The following MYLK variants were observed in gnomAD, a reference collection of about 807,000 sequenced individuals.
MYLK encodes myosin light chain kinase, smooth muscle.
A neutral mutation model predicts 203.4 loss-of-function variants in MYLK; 106 were observed. The observed-to-expected ratio is 0.52, with a 90% CI of 0.45 to 0.61. The LOEUF is 0.61. MYLK is among the 20% of genes least tolerant of loss of function. The pLI, the probability that MYLK is intolerant of heterozygous loss-of-function variation, is 0.00. For missense variants in MYLK, 2,072 were observed against 2,442.3 expected, an observed-to-expected ratio of 0.85 and a Z score of 3.20; for synonymous variants, 867 against 959.5, an observed-to-expected ratio of 0.90 and a Z score of 1.78.
chr3:123,762,843 T>C (rs924540416), intron 4 of MYLK, among the ~76,000 whole-genome samples: 6 of 152,194 alleles, frequency 3.9e-5, no homozygotes, highest in Admixed American at 3.9e-4. Context: ...AAGTGGTGCA[T>C]TGATCTTAGA....
chr3:123,643,015 G>A (rs2058888576), intron 27 of MYLK, among the ~76,000 whole-genome samples: 1 of 152,138 alleles, frequency 6.6e-6, no homozygotes, highest in Admixed American at 6.5e-5. Flanking sequence ...AGAAATACTG[G>A]CTTACTCAAC....
At chr3:123,622,886 G>T (rs2057946855) in intron 31 of MYLK, 1 of 152,224 alleles carries the variant, frequency 6.6e-6, no homozygotes, top group Non-Finnish European at 1.5e-5. Context: ...AGATCGCCAA[G>T]TTTTGATTTT....
At chr3:123,695,608 G>T (rs1332349918) in intron 18 of MYLK, among the ~76,000 whole-genome samples, 1 of 152,182 alleles carries the variant, frequency 6.6e-6, no homozygotes, top group Non-Finnish European at 1.5e-5. Context: ...ACAACAAAGG[G>T]CATTAGAATA....
intron 3 of MYLK, among the ~76,000 whole-genome samples, chr3:123,799,165 C>A (rs998793520): frequency 2.6e-5 from 4 of 151,862 alleles, no homozygotes; most frequent in African/African-American, 7.3e-5. Context: ...GAGCTGGAAA[C>A]TCCCCCTTAC....
At chr3:123,639,868 G>A (rs2058771112) in intron 28 of MYLK, among the ~76,000 whole-genome samples, 1 of 152,128 alleles carries the variant, frequency 6.6e-6, no homozygotes, top group African/African-American at 2.4e-5. Flanking sequence ...ATGTGAAAGT[G>A]CTCTAGAAAC....
chr3:123,738,419 C>A (rs1300922970), intron 7 of MYLK, among the ~76,000 whole-genome samples: 8 of 152,114 alleles, frequency 5.3e-5, no homozygotes, highest in Non-Finnish European at 5.9e-5. Flanking sequence ...CCCCTGAGAA[C>A]CGCCTGAAAC....
chr3:123,790,876 C>G (rs910618281), intron 4 of MYLK, among the ~76,000 whole-genome samples: 1 of 152,130 alleles, frequency 6.6e-6, no homozygotes, highest in African/African-American at 2.4e-5. Context: ...CGCAACTTCA[C>G]GGAGGAAAGC....
intron 3 of MYLK, among the ~76,000 whole-genome samples, chr3:123,817,641 C>T (rs962739017): frequency 1.8e-4 from 28 of 152,134 alleles, no homozygotes; most frequent in Non-Finnish European, 2.9e-4. Flanking sequence ...CTGTCCCAAA[C>T]TGGGCAACAG....
At chr3:123,820,746 C>T (rs112432486) in intron 3 of MYLK, among the ~76,000 whole-genome samples, 24,329 of 151,028 alleles carry the variant, frequency 0.16, 2,504 homozygotes, top group Non-Finnish European at 0.23. Context: ...TTCTTTCTGA[C>T]GAAGTCTGAC....
At chr3:123,664,059 C>A in intron 23 of MYLK, 46 bp downstream of exon 23, 2 of 1,612,904 alleles carry the variant, frequency 1.2e-6, no homozygotes, top group Non-Finnish European at 1.7e-6. Context: ...GGGCTCCCTG[C>A]CTTCCCCTTG....
chr3:123,692,364 C>T (rs77159964), intron 19 of MYLK: 9 of 1,176,362 alleles, frequency 7.7e-6, no homozygotes, highest in South Asian at 6.7e-5. Context: ...CCTGCCAGCT[C>T]GGACACTTGT....
chr3:123,775,179 T>C (rs548102172), intron 4 of MYLK, among the ~76,000 whole-genome samples: 9 of 152,256 alleles, frequency 5.9e-5, no homozygotes, highest in South Asian at 2.1e-4. Flanking sequence ...CATACCACCA[T>C]GCCCAGCTAA....
chr3:123,859,809 G>C (rs930011331), intron 2 of MYLK, among the ~76,000 whole-genome samples: 1 of 152,142 alleles, frequency 6.6e-6, no homozygotes, highest in Non-Finnish European at 1.5e-5. Context: ...TACCCATGAG[G>C]TTCACGAAAG....
chr3:123,659,016 T>G (rs2059480504), intron 23 of MYLK, among the ~76,000 whole-genome samples: 2 of 152,248 alleles, frequency 1.3e-5, no homozygotes. Flanking sequence ...ATGGAAGCAC[T>G]TTCACTGGCT....
chr3:123,869,066 T>C (rs2032551141), intron 2 of MYLK, among the ~76,000 whole-genome samples: 1 of 152,104 alleles, frequency 6.6e-6, no homozygotes, highest in Non-Finnish European at 1.5e-5. Context: ...GGTCTGATTG[T>C]CCCAGAAGGC....
At chr3:123,812,475 T>C (rs2065594141) in intron 3 of MYLK, among the ~76,000 whole-genome samples, 1 of 152,186 alleles carries the variant, frequency 6.6e-6, no homozygotes, top group South Asian at 2.1e-4. Context: ...ATATCTAGCC[T>C]GGCCTCTAAA....
chr3:123,684,697 A>G (rs2060389379), intron 19 of MYLK, among the ~76,000 whole-genome samples: 1 of 152,024 alleles, frequency 6.6e-6, no homozygotes, highest in African/African-American at 2.4e-5. Flanking sequence ...TACACGCCTG[A>G]CTAATTTTTC....
chr3:123,840,537 A>G (rs2066567067), intron 2 of MYLK, among the ~76,000 whole-genome samples: 1 of 151,658 alleles, frequency 6.6e-6, no homozygotes, highest in Non-Finnish European at 1.5e-5. Flanking sequence ...GAAGAAATAG[A>G]GAACCTCAAT....
Position 123,611,329 on chromosome 3 carries a change from C to G in MYLK, c.*2776G>C, listed in dbSNP as rs2107791862. ...TCCTGTAAAGCAGGACTGGTAGTTT[C>G]CTGATAACAAATTCTTCAATATGAA... is the stretch of plus-strand genomic sequence containing the variant. On this transcript the variant is annotated 3_prime_UTR_variant, in exon 34 of 34. Coordinates refer to ENST00000360304, the MANE Select transcript of MYLK (RefSeq NM_053025.4). 6.6e-6 allele frequency: 1 copy of G among 152,224 alleles called. No homozygotes were observed. The highest frequency in any genetic ancestry group is 1.9e-4 in the East Asian group (1 of 5,176). 9.4% of individuals were successfully genotyped at this position (152,224 alleles called of 1,614,324 possible). A position where few individuals can be genotyped will look rare whatever the true frequency, so the allele number is the denominator to read the frequency against.
Sources: allele counts gnomAD v4.1 joint callset (sites outside exome capture counted in the v4.1 genomes callset), GRCh38; gene constraint gnomAD v4.1.1; transcripts MANE v1.5; gene names NCBI Gene and HGNC (gene_info 2026-07-23, HGNC 2026-07-21).